The following SWT1 variants were observed in gnomAD, a reference collection of about 807,000 sequenced individuals.
The protein encoded by SWT1 is transcriptional protein SWT1.
A neutral mutation model predicts 107.3 loss-of-function variants in SWT1; 33 were observed. That is an observed-to-expected ratio of 0.31 (90% CI 0.23 to 0.41). The LOEUF is 0.41. Ranked by LOEUF, SWT1 falls within the 10% of genes least tolerant of loss-of-function variation. The pLI is 1.00. For synonymous variants in SWT1, 345 were observed against 348.3 expected (o/e 0.99, Z 0.11); for missense variants, 898 against 1,028.9 (o/e 0.87, Z 1.74).
chr1:185,199,470 C>A lies in SWT1; in HGVS notation c.1524-3184C>A, dbSNP rs567486615. On this transcript the variant is annotated intron_variant, in intron 10 of 18. Coordinates refer to ENST00000367500, the MANE Select transcript of SWT1 (RefSeq NM_017673.7). ...TGGTGACAGAATCTCACAGCATTTGCTTGTCTGTAAAGGATTTTATTTCTC... is the reference window on the plus strand; with the variant it reads ...TGGTGACAGAATCTCACAGCATTTGATTGTCTGTAAAGGATTTTATTTCTC... Among the ~76,000 whole-genome samples, 135 of 152,244 alleles carry A rather than the reference C, an allele frequency of 8.9e-4. 1 individual carries two copies. Among genetic ancestry groups the A allele is most frequent in the African/African-American group, 3.2e-3 (132 of 41,544 alleles).
intron 9 of SWT1, among the ~76,000 whole-genome samples, chr1:185,189,492 C>T (rs546319983): frequency 1.3e-5 from 2 of 152,086 alleles, no homozygotes; most frequent in South Asian, 4.1e-4. Flanking sequence ...AGTTTAGCTG[C>T]GGTAGAACAG....
intron 17 of SWT1, among the ~76,000 whole-genome samples, chr1:185,273,195 A>G (rs754060947): frequency 1.1e-4 from 16 of 152,200 alleles, no homozygotes; most frequent in Non-Finnish European, 2.1e-4. Flanking sequence ...ACTTGAGGTC[A>G]GGAGTTTGAG....
At chr1:185,255,264 G>A (rs1662396843) in intron 16 of SWT1, among the ~76,000 whole-genome samples, 1 of 150,548 alleles carries the variant, frequency 6.6e-6, no homozygotes, top group Non-Finnish European at 1.5e-5. Flanking sequence ...CTGTTGATTT[G>A]GGGTGGAGAG....
At chr1:185,160,045 TTTCAG>T (rs1654008375) in intron 1 of SWT1, among the ~76,000 whole-genome samples, 1 of 152,216 alleles carries the variant, frequency 6.6e-6, no homozygotes, top group Non-Finnish European at 1.5e-5. Context: ...ACATCCATTG[TTTCAG>T]TACCTCAAAA....
chr1:185,183,756 A>G (rs186317789), intron 7 of SWT1, among the ~76,000 whole-genome samples: 10 of 152,360 alleles, frequency 6.6e-5, no homozygotes, highest in African/African-American at 1.7e-4. Flanking sequence ...AGCAATTTAT[A>G]GTATTCTACT....
chr1:185,235,465 A>G (rs1482404419), intron 16 of SWT1, among the ~76,000 whole-genome samples: 1 of 152,220 alleles, frequency 6.6e-6, no homozygotes, highest in Non-Finnish European at 1.5e-5. Context: ...CAAAAACCAC[A>G]TGATTATCTC....
At chr1:185,198,430 G>A (rs1301221936) in intron 10 of SWT1, among the ~76,000 whole-genome samples, 2 of 151,906 alleles carry the variant, frequency 1.3e-5, no homozygotes, top group Non-Finnish European at 2.9e-5. Context: ...GGGGTGGAGA[G>A]TTCTGTCTCT....
chr1:185,183,896 A>G (rs758820977), intron 7 of SWT1, among the ~76,000 whole-genome samples: 12 of 152,198 alleles, frequency 7.9e-5, no homozygotes, highest in Non-Finnish European at 1.2e-4. Flanking sequence ...GGTTTTTCAC[A>G]GTCTTGGCCC....
intron 16 of SWT1, among the ~76,000 whole-genome samples, chr1:185,255,954 G>T (rs1220749232): frequency 6.6e-6 from 1 of 151,776 alleles, no homozygotes; most frequent in African/African-American, 2.4e-5. Flanking sequence ...CTTCCTTCAG[G>T]AGCTCTTTTA....
intron 9 of SWT1, among the ~76,000 whole-genome samples, chr1:185,187,138 C>T (rs1427030622): frequency 6.6e-6 from 1 of 151,150 alleles, no homozygotes; most frequent in African/African-American, 2.4e-5. Flanking sequence ...CTGCAACCTC[C>T]ACCTCCTAGC....
At chr1:185,275,030 T>A (rs1664143663) in intron 17 of SWT1, among the ~76,000 whole-genome samples, 1 of 152,226 alleles carries the variant, frequency 6.6e-6, no homozygotes, top group East Asian at 1.9e-4. Context: ...TCTAAATGTA[T>A]GTGGATGGTT....
intron 15 of SWT1, chr1:185,226,785 C>A: frequency 9.3e-7 from 1 of 1,074,230 alleles, no homozygotes. Context: ...CTGAAAAATC[C>A]TTATAGAAAA....
At chr1:185,226,551 CACA>C (rs1454333979) in intron 15 of SWT1, among the ~76,000 whole-genome samples, 3 of 152,116 alleles carry the variant, frequency 2.0e-5, no homozygotes, top group Admixed American at 6.6e-5. Flanking sequence ...GCCTGGGCAA[CACA>C]ACAAGACCCT....
intron 1 of SWT1, 189 bp downstream of exon 1, chr1:185,157,503 T>G (rs1371112542): frequency 6.6e-6 from 1 of 152,478 alleles, no homozygotes; most frequent in Non-Finnish European, 1.5e-5. Flanking sequence ...TGGCCCGGCT[T>G]GCCTCCGGGG....
intron 16 of SWT1, among the ~76,000 whole-genome samples, chr1:185,238,222 G>A (rs532920548): frequency 2.0e-5 from 3 of 152,166 alleles, no homozygotes; most frequent in African/African-American, 7.2e-5. Flanking sequence ...CTGGGCTCAA[G>A]TGATCCTCCT....
intron 9 of SWT1, among the ~76,000 whole-genome samples, chr1:185,185,183 A>G (rs1030095330): frequency 6.6e-6 from 1 of 152,164 alleles, no homozygotes; most frequent in Non-Finnish European, 1.5e-5. Flanking sequence ...ATAATTATCT[A>G]TATCCCAGAA....
chr1:185,206,770 A>G lies in SWT1; in HGVS notation c.1972+7A>G, dbSNP rs1658368185. On this transcript the variant is annotated splice_region_variant and intron_variant, in intron 13 of 18. Coordinates refer to ENST00000367500, the MANE Select transcript of SWT1 (RefSeq NM_017673.7). ...TACAAAAATCTCCGTAAAGGTATGA[A>G]TCTTTTATTTTTCTCTTTAGCAGTG... 6.3e-7 allele frequency: 1 copy of G among 1,575,584 alleles called. No homozygotes were observed. Among genetic ancestry groups the G allele is most frequent in the African/African-American group, 1.4e-5 (1 of 73,008 alleles).
chr1:185,214,101 A>G (rs1055238777), intron 13 of SWT1, among the ~76,000 whole-genome samples: 2 of 152,110 alleles, frequency 1.3e-5, no homozygotes, highest in African/African-American at 4.8e-5. Context: ...ACCATATATA[A>G]CTGACATGCT....
At chr1:185,282,644 G>A (rs1015278788) in intron 18 of SWT1, among the ~76,000 whole-genome samples, 1 of 152,120 alleles carries the variant, frequency 6.6e-6, no homozygotes. Flanking sequence ...AGAAGTAGAG[G>A]TGACAAACTG....
Sources: allele counts gnomAD v4.1 joint callset (sites outside exome capture counted in the v4.1 genomes callset), GRCh38; gene constraint gnomAD v4.1.1; transcripts MANE v1.5; gene names NCBI Gene and HGNC (gene_info 2026-07-23, HGNC 2026-07-21).